Variants in TUSC3 observed in about 807,000 individuals in gnomAD.
The protein encoded by TUSC3 is dolichyl-diphosphooligosaccharide--protein glycosyltransferase subunit TUSC3.
In TUSC3, 45 loss-of-function variants were observed where a neutral mutation model predicts 44.8. The observed-to-expected ratio is 1.00, with a 90% CI of 0.79 to 1.29. The LOEUF is 1.29. Ranked by LOEUF, TUSC3 falls within the 50% of genes most tolerant of loss-of-function variation. The pLI, the probability that TUSC3 is intolerant of heterozygous loss-of-function variation, is 0.00. For synonymous variants in TUSC3, 212 were observed against 152.9 expected, an observed-to-expected ratio of 1.39 and a Z score of -2.85; for missense variants, 519 against 437.9, an observed-to-expected ratio of 1.19 and a Z score of -1.65.
chr8:15,699,432 G>C (rs1809304512), intron 6 of TUSC3, among the ~76,000 whole-genome samples: 2 of 152,260 alleles, frequency 1.3e-5, no homozygotes, highest in East Asian at 1.9e-4. Flanking sequence ...TAGTGAAACA[G>C]ACTACTTGGA....
At position 15,707,154 on chromosome 8, in the gene TUSC3, G is replaced by C. The variant is rs1809652514; in HGVS notation, c.799-23512G>C. 2.0e-5 allele frequency among the ~76,000 whole-genome samples: 3 copies of C among 151,910 alleles called. No homozygotes were observed. The South Asian group carries it at 6.4e-4, about 33-fold the overall frequency. ...TTTATATCAGATGGTATATTTGAGA[G>C]TTAGTCACTTTCATAATGCCTACAT... On this transcript the variant is annotated intron_variant, in intron 6 of 10. Coordinates refer to ENST00000503731, the MANE Select transcript of TUSC3 (RefSeq NM_006765.4).
chr8:15,619,860 T>C (rs541781158), intron 1 of TUSC3, among the ~76,000 whole-genome samples: 2 of 152,248 alleles, frequency 1.3e-5, no homozygotes, highest in South Asian at 4.1e-4. Flanking sequence ...TATTTATGAA[T>C]AGATCAAGGA....
At chr8:15,575,411 T>C (rs1803058631) in intron 1 of TUSC3, among the ~76,000 whole-genome samples, 1 of 152,170 alleles carries the variant, frequency 6.6e-6, no homozygotes, top group South Asian at 2.1e-4. Flanking sequence ...ACTAAATATC[T>C]AACATATGTG....
At chr8:15,568,796 T>C (rs1802765042) in intron 1 of TUSC3, among the ~76,000 whole-genome samples, 1 of 152,102 alleles carries the variant, frequency 6.6e-6, no homozygotes. Context: ...TGTAAATTCT[T>C]ATTGGTATAT....
the TUSC3 span, among the ~76,000 whole-genome samples, chr8:15,832,136 C>T: frequency 6.6e-6 from 1 of 152,132 alleles, no homozygotes; most frequent in Non-Finnish European, 1.5e-5. Flanking sequence ...TGAGGGCCAG[C>T]ACTGAACATT....
At chr8:15,561,288 T>TG (rs754297857) in intron 1 of TUSC3, among the ~76,000 whole-genome samples, 2 of 148,062 alleles carry the variant, frequency 1.4e-5, no homozygotes, top group Non-Finnish European at 3.0e-5. Context: ...GTGCCCCTGC[T>TG]GGGGGGTGCC....
At chr8:15,842,086 A>C in the TUSC3 span, among the ~76,000 whole-genome samples, 3 of 152,216 alleles carry the variant, frequency 2.0e-5, no homozygotes, top group African/African-American at 7.2e-5. Flanking sequence ...TCCTCAGAAT[A>C]ATAAAATAAT....
chr8:15,683,959 A>G (rs905066972), intron 6 of TUSC3, among the ~76,000 whole-genome samples: 2 of 152,030 alleles, frequency 1.3e-5, no homozygotes. Flanking sequence ...ACAGGCTCTG[A>G]GTGCTGAAGC....
intron 6 of TUSC3, among the ~76,000 whole-genome samples, chr8:15,713,978 G>C (rs952897662): frequency 6.6e-6 from 1 of 152,160 alleles, no homozygotes; most frequent in African/African-American, 2.4e-5. Context: ...CCACTTGCTT[G>C]TTAATGGCTT....
chr8:15,469,395 A>G (rs1462371707), intron 1 of TUSC3, among the ~76,000 whole-genome samples: 2 of 152,220 alleles, frequency 1.3e-5, no homozygotes, highest in Non-Finnish European at 2.9e-5. Flanking sequence ...AAATAAACGT[A>G]TGAAAATAGG....
At chr8:15,460,955 G>A (rs1402292898) in intron 1 of TUSC3, among the ~76,000 whole-genome samples, 1 of 152,158 alleles carries the variant, frequency 6.6e-6, no homozygotes, top group Non-Finnish European at 1.5e-5. Context: ...TTGAAATCAG[G>A]TAGTGTGATG....
chr8:15,496,821 C>T (rs1800886840), intron 2 of TUSC3, among the ~76,000 whole-genome samples: 1 of 152,100 alleles, frequency 6.6e-6, no homozygotes, highest in Non-Finnish European at 1.5e-5. Flanking sequence ...TACATCACAC[C>T]AACTAATTCA....
At chr8:15,513,207 C>G (rs1801166377) in intron 2 of TUSC3, among the ~76,000 whole-genome samples, 1 of 151,530 alleles carries the variant, frequency 6.6e-6, no homozygotes, top group Admixed American at 6.6e-5. Flanking sequence ...TTAAGGCTAA[C>G]CAACTTGGTA....
intron 6 of TUSC3, among the ~76,000 whole-genome samples, chr8:15,676,740 G>A (rs11780499): frequency 0.22 from 33,519 of 152,108 alleles, 4,394 homozygotes; most frequent in Non-Finnish European, 0.3. Flanking sequence ...ACCCAATTAA[G>A]AAAATCATCC....
At chr8:15,552,897 G>C (rs1802106637) in intron 1 of TUSC3, among the ~76,000 whole-genome samples, 1 of 151,616 alleles carries the variant, frequency 6.6e-6, no homozygotes, top group Admixed American at 6.6e-5. Flanking sequence ...CAAAGTGAGA[G>C]GTAATGATGA....
rs545924189 is a variant in TUSC3 at position 15,754,295 on chromosome 8, G to A, written c.1029-3496G>A. 8.0e-5 allele frequency among the ~76,000 whole-genome samples: 12 copies of A among 150,628 alleles called. No homozygotes were observed. The South Asian group carries it at 2.5e-3, about 32-fold the overall frequency. ...ACAATAGTAAATCATAAACTCTAGG[G>A]ACCAAGAGCTGAACCACTCCAACCA... On this transcript the variant is annotated intron_variant, in intron 9 of 10. Transcript: ENST00000503731.
Position 15,748,407 on chromosome 8 carries a change from T to G in TUSC3, c.970T>G (p.Phe324Val), listed in dbSNP as rs757075574. ...CCTAGTGGGATTGGGCCTGGTGGTC[T>G]TCTTCTTCAGTTTTCTACTTTCAAT... ...ICLVGLGLVV[F>V]FFSFLLSIFR... Residue 324 changes from phenylalanine (F) to valine (V), a missense_variant, in exon 9 of 11, where the codon TTC becomes GTC. Transcript: ENST00000503731. 22 of 1,613,420 alleles carry G rather than the reference T, an allele frequency of 1.4e-5. No homozygotes were observed. Among genetic ancestry groups the G allele is most frequent in the Admixed American group, 5.0e-5 (3 of 60,000 alleles).
At position 15,674,505 on chromosome 8, in the gene TUSC3, A is replaced by G. The variant is rs778088394; in HGVS notation, c.798+669A>G. On this transcript the variant is annotated intron_variant, in intron 6 of 10. Coordinates refer to ENST00000503731, the MANE Select transcript of TUSC3 (RefSeq NM_006765.4). ...ACCTTTTCTGCTTTTTCTTTTGGAAAAGATACGTATTTTGAGAATAATATA... is the reference window on the plus strand; with the variant it reads ...ACCTTTTCTGCTTTTTCTTTTGGAAGAGATACGTATTTTGAGAATAATATA... Among the ~76,000 whole-genome samples the G allele has an allele frequency of 3.9e-4, 60 of 152,116 alleles. 1 individual carries two copies. Among genetic ancestry groups the G allele is most frequent in the Non-Finnish European group, 6.8e-4 (46 of 67,932 alleles).
the TUSC3 span, chr8:15,807,036 T>G: frequency 7.0e-7 from 1 of 1,427,932 alleles, no homozygotes; most frequent in Non-Finnish European, 9.9e-7. Flanking sequence ...CTGTAAATCC[T>G]GGTTATCGGC....
Sources: allele counts gnomAD v4.1 joint callset (sites outside exome capture counted in the v4.1 genomes callset), GRCh38; gene constraint gnomAD v4.1.1; transcripts MANE v1.5; gene names NCBI Gene and HGNC (gene_info 2026-07-23, HGNC 2026-07-21).